The following ANKRD17 variants were observed in gnomAD, a reference collection of about 807,000 sequenced individuals.
ANKRD17 encodes the protein ankyrin repeat domain 17, also known as ankyrin repeat domain-containing protein 17.
ANKRD17 carries 19 observed loss-of-function variants against 229.7 expected under a neutral mutation model. The ratio of observed to expected loss-of-function variants is 0.08; its 90% CI spans 0.06 to 0.12. The LOEUF is 0.12. Among genes scored for constraint, ANKRD17 ranks in the 10% least tolerant of loss-of-function variants. The pLI, the probability that ANKRD17 is intolerant of heterozygous loss-of-function variation, is 1.00. For missense variants in ANKRD17, 2,176 were observed against 3,176.8 expected, an observed-to-expected ratio of 0.68 and a Z score of 7.57; for synonymous variants, 1,112 against 1,146.1, an observed-to-expected ratio of 0.97 and a Z score of 0.60.
intron 33 of ANKRD17, 77 bp downstream of exon 33, chr4:73,076,862 TG>T (rs1207441522): frequency 2.7e-6 from 4 of 1,479,038 alleles, no homozygotes; most frequent in Non-Finnish European, 9.1e-7. Context: ...CTTGCTATCA[TG>T]AGTTACCTGA....
chr4:73,199,450 A>G (rs1471570529), intron 1 of ANKRD17, among the ~76,000 whole-genome samples: 1 of 152,134 alleles, frequency 6.6e-6, no homozygotes, highest in African/African-American at 2.4e-5. Context: ...TATTAATTTC[A>G]TCTTCTCTCA....
At chr4:73,116,401 C>G (rs1357203912) in intron 22 of ANKRD17, among the ~76,000 whole-genome samples, 1 of 152,096 alleles carries the variant, frequency 6.6e-6, no homozygotes, top group Non-Finnish European at 1.5e-5. Context: ...GAAGAATAAG[C>G]TATGATTATT....
At chr4:73,209,308 T>C (rs1739937962) in intron 1 of ANKRD17, among the ~76,000 whole-genome samples, 1 of 152,112 alleles carries the variant, frequency 6.6e-6, no homozygotes, top group African/African-American at 2.4e-5. Context: ...AAAATGTGAA[T>C]TGCCAGTGAA....
intron 11 of ANKRD17, among the ~76,000 whole-genome samples, chr4:73,144,051 T>C (rs756471947): frequency 7.2e-5 from 11 of 152,240 alleles, no homozygotes; most frequent in South Asian, 2.1e-4. Context: ...TCCTCTTTCT[T>C]TTATCAATGC....
intron 1 of ANKRD17, among the ~76,000 whole-genome samples, chr4:73,205,202 C>T (rs1475119881): frequency 6.6e-6 from 1 of 152,046 alleles, no homozygotes; most frequent in Non-Finnish European, 1.5e-5. Context: ...GGCACACAGC[C>T]TATAGTTGCA....
intron 16 of ANKRD17, among the ~76,000 whole-genome samples, chr4:73,127,849 T>C (rs530417547): frequency 6.6e-6 from 1 of 152,260 alleles, no homozygotes; most frequent in African/African-American, 2.4e-5. Flanking sequence ...TAAATAACTC[T>C]ACAGACCAAA....
At chr4:73,186,722 A>T (rs1736343666) in intron 1 of ANKRD17, among the ~76,000 whole-genome samples, 1 of 152,202 alleles carries the variant, frequency 6.6e-6, no homozygotes, top group Non-Finnish European at 1.5e-5. Flanking sequence ...TGGACAAATT[A>T]TGAATATTTC....
intron 3 of ANKRD17, among the ~76,000 whole-genome samples, chr4:73,157,148 A>C (rs1731767786): frequency 6.6e-6 from 1 of 152,156 alleles, no homozygotes; most frequent in Admixed American, 6.6e-5. Context: ...GTCAGTAGAA[A>C]ATTTTTTATA....
intron 16 of ANKRD17, among the ~76,000 whole-genome samples, chr4:73,132,499 G>T (rs1288124102): frequency 6.6e-6 from 1 of 152,030 alleles, no homozygotes; most frequent in Non-Finnish European, 1.5e-5. Flanking sequence ...TCCAAGGTAG[G>T]AACTTTTTAA....
intron 1 of ANKRD17, among the ~76,000 whole-genome samples, chr4:73,235,592 A>C (rs1023368085): frequency 6.6e-6 from 1 of 152,226 alleles, no homozygotes; most frequent in Admixed American, 6.5e-5. Flanking sequence ...AAATTAAAGG[A>C]ATGTACTAAA....
Position 73,135,313 on chromosome 4 carries a change from T to C in ANKRD17, c.3086-48A>G, listed in dbSNP as rs532591160. On this transcript the variant is annotated intron_variant, in intron 15 of 33. Transcript: ENST00000358602. Reference sequence around the variant, plus strand: ...TTAATAAGGATGAAACATTGTTAAGTAATACTAAGACATATTCACTCAAAA... The same window carrying C: ...TTAATAAGGATGAAACATTGTTAAGCAATACTAAGACATATTCACTCAAAA... 1.0e-3 allele frequency: 1,587 copies of C among 1,568,536 alleles called. 38 individuals are homozygous for C. In the South Asian group the frequency reaches 0.017, roughly 17 times the overall value.
intron 11 of ANKRD17, among the ~76,000 whole-genome samples, chr4:73,143,120 G>C (rs1189023394): frequency 1.3e-5 from 2 of 152,174 alleles, no homozygotes; most frequent in African/African-American, 4.8e-5. Flanking sequence ...AAGTTCTTCA[G>C]TAGAAAAGAT....
At chr4:73,150,629 T>G (rs1031256360) in intron 7 of ANKRD17, among the ~76,000 whole-genome samples, 5 of 152,202 alleles carry the variant, frequency 3.3e-5, no homozygotes, top group Non-Finnish European at 5.9e-5. Context: ...CTACCTCATA[T>G]TTTAAAAAAT....
intron 25 of ANKRD17, among the ~76,000 whole-genome samples, chr4:73,101,352 T>C (rs1271165372): frequency 1.3e-5 from 2 of 152,150 alleles, no homozygotes; most frequent in Non-Finnish European, 2.9e-5. Context: ...CAAATGTCAT[T>C]CTTGGGATGT....
chr4:73,233,789 T>C (rs1370745708), intron 1 of ANKRD17, among the ~76,000 whole-genome samples: 1 of 152,210 alleles, frequency 6.6e-6, no homozygotes, highest in Non-Finnish European at 1.5e-5. Context: ...TCAAAATCTA[T>C]TGTCTCTCAA....
At chr4:73,160,454 G>C (rs1038690667) in intron 3 of ANKRD17, among the ~76,000 whole-genome samples, 1 of 151,964 alleles carries the variant, frequency 6.6e-6, no homozygotes, top group Non-Finnish European at 1.5e-5. Flanking sequence ...CCTGACCTCA[G>C]GTGATCCGCC....
At chr4:73,135,312 G>A (rs766232202) in intron 15 of ANKRD17, 47 bp from the exon 16 acceptor site, 2 of 1,565,472 alleles carry the variant, frequency 1.3e-6, no homozygotes, top group Admixed American at 3.5e-5. Context: ...ACATTGTTAA[G>A]TAATACTAAG....
At chr4:73,222,409 C>A (rs1431956540) in intron 1 of ANKRD17, among the ~76,000 whole-genome samples, 2 of 151,988 alleles carry the variant, frequency 1.3e-5, no homozygotes, top group African/African-American at 4.8e-5. Flanking sequence ...CATCAGTGCC[C>A]TAAATTTCAG....
intron 10 of ANKRD17, among the ~76,000 whole-genome samples, chr4:73,145,241 A>G (rs549496559): frequency 1.3e-5 from 2 of 152,114 alleles, no homozygotes; most frequent in Admixed American, 6.6e-5. Flanking sequence ...ATCCACTCCA[A>G]GTTATTTTCC....
Sources: gnomAD v4.1 joint callset for allele counts (sites outside exome capture counted in the v4.1 genomes callset) on GRCh38, gnomAD v4.1.1 for gene constraint, MANE v1.5 for transcripts, NCBI Gene and HGNC (gene_info 2026-07-23, HGNC 2026-07-21) for gene names.